The following ROBO1 variants were observed in gnomAD, a reference collection of about 807,000 sequenced individuals.
ROBO1 encodes the protein roundabout homolog 1.
In ROBO1, 149 loss-of-function variants were observed where a neutral mutation model predicts 195.9. The observed-to-expected ratio is 0.76, with a 90% CI of 0.67 to 0.87. The LOEUF (loss-of-function observed/expected upper bound fraction) is 0.87. Among genes scored for constraint, ROBO1 ranks in the 40% least tolerant of loss-of-function variants. The probability of loss-of-function intolerance (pLI) is 0.00; values close to 1 mark genes in which losing one functional copy is unlikely to be tolerated. For missense variants in ROBO1, 1,933 were observed against 2,068.3 expected (o/e 0.93, Z 1.27); for synonymous variants, 816 against 733.2 (o/e 1.11, Z -1.82).
chr3:79,704,229 C>A (rs562990827), intron 1 of ROBO1, among the ~76,000 whole-genome samples: 2 of 151,880 alleles, frequency 1.3e-5, no homozygotes, highest in African/African-American at 2.4e-5. Context: ...AATTAGAGTT[C>A]ACTCTTGGTG....
chr3:79,106,160 G>A (rs1004561761), intron 3 of ROBO1, among the ~76,000 whole-genome samples: 1 of 151,600 alleles, frequency 6.6e-6, no homozygotes, highest in Non-Finnish European at 1.5e-5. Context: ...CAAGCAAATT[G>A]TCTGCTTTAA....
Position 78,670,157 on chromosome 3 carries a change from G to C in ROBO1, c.1487C>G (p.Ser496Ter). ...CTGTTTGATTCGAGAGTCTTGGGTT[G>C]AAACGAGGACTCCATCCTTTCTCCA... Reference protein sequence around the residue: ...ILWRKDGVLVSTQDSRIKQLE... With the variant: ...ILWRKDGVLV Residue 496 changes from serine to a stop codon, truncating the protein, a stop_gained, in exon 11 of 31, where the codon TCA becomes TGA. Coordinates refer to ENST00000464233, the MANE Select transcript of ROBO1 (RefSeq NM_002941.4). LOFTEE classifies it high-confidence loss of function. 1 of 1,613,352 alleles carries C rather than the reference G, an allele frequency of 6.2e-7. No individual in the cohort carries two copies. Among genetic ancestry groups the C allele is most frequent in the Non-Finnish European group, 8.5e-7 (1 of 1,179,642 alleles).
intron 1 of ROBO1, among the ~76,000 whole-genome samples, chr3:79,654,789 G>T (rs547937203): frequency 2.4e-4 from 37 of 151,500 alleles, no homozygotes; most frequent in Middle Eastern, 3.2e-3. Context: ...TTATCATTTT[G>T]ATTTAAATCC....
intron 1 of ROBO1, among the ~76,000 whole-genome samples, chr3:79,595,852 C>T (rs943410542): frequency 1.3e-5 from 2 of 151,748 alleles, no homozygotes; most frequent in Non-Finnish European, 2.9e-5. Flanking sequence ...TGGACTTGGC[C>T]TCTGTCCTAG....
intron 1 of ROBO1, among the ~76,000 whole-genome samples, chr3:79,604,537 G>C (rs1017382812): frequency 3.3e-5 from 5 of 151,932 alleles, no homozygotes; most frequent in Non-Finnish European, 5.9e-5. Flanking sequence ...AATTTTTGTT[G>C]CAAAGTAAAT....
chr3:78,799,906 T>A (rs2084311498), intron 4 of ROBO1, among the ~76,000 whole-genome samples: 1 of 152,154 alleles, frequency 6.6e-6, no homozygotes, highest in Admixed American at 6.5e-5. Flanking sequence ...GATTCACCCT[T>A]ATCATATTAT....
At chr3:78,707,263 A>C (rs1361349416) in intron 8 of ROBO1, among the ~76,000 whole-genome samples, 1 of 152,124 alleles carries the variant, frequency 6.6e-6, no homozygotes, top group Non-Finnish European at 1.5e-5. Flanking sequence ...AGTCAGGCAA[A>C]AGACAGCACG....
intron 2 of ROBO1, among the ~76,000 whole-genome samples, chr3:79,301,917 A>G (rs184531970): frequency 6.6e-6 from 1 of 152,304 alleles, no homozygotes; most frequent in Admixed American, 6.5e-5. Flanking sequence ...ATAGTGTTGT[A>G]AAATAGATAC....
At chr3:78,960,378 G>T (rs900086978) in intron 3 of ROBO1, among the ~76,000 whole-genome samples, 6 of 148,964 alleles carry the variant, frequency 4.0e-5, no homozygotes, top group African/African-American at 1.5e-4. Flanking sequence ...ATATTATATA[G>T]CAATATGTAT....
intron 2 of ROBO1, among the ~76,000 whole-genome samples, chr3:79,406,311 C>T (rs944942553): frequency 6.6e-6 from 1 of 151,672 alleles, no homozygotes; most frequent in Non-Finnish European, 1.5e-5. Context: ...GTCCGTAGTC[C>T]CATAGTCCCA....
chr3:79,031,744 T>A (rs763606608), intron 3 of ROBO1, among the ~76,000 whole-genome samples: 1 of 152,206 alleles, frequency 6.6e-6, no homozygotes, highest in Non-Finnish European at 1.5e-5. Context: ...TGTGATTTCA[T>A]CGTGAAAAAG....
At chr3:79,711,363 T>C (rs1310551869) in intron 1 of ROBO1, among the ~76,000 whole-genome samples, 3 of 152,162 alleles carry the variant, frequency 2.0e-5, no homozygotes, top group Admixed American at 1.3e-4. Flanking sequence ...AGAAAATCAC[T>C]GAAGATGTTA....
intron 3 of ROBO1, among the ~76,000 whole-genome samples, chr3:79,059,117 T>C (rs112873517): frequency 0.11 from 17,340 of 152,178 alleles, 1,535 homozygotes; most frequent in African/African-American, 0.24. Flanking sequence ...TGCAGTGTGA[T>C]TGGAATACTT....
chr3:79,381,425 A>C (rs1176627699), intron 2 of ROBO1, among the ~76,000 whole-genome samples: 1 of 150,374 alleles, frequency 6.7e-6, no homozygotes, highest in Non-Finnish European at 1.5e-5. Flanking sequence ...ATAAGCCATA[A>C]GTTTTAGTAT....
intron 2 of ROBO1, among the ~76,000 whole-genome samples, chr3:79,355,007 G>C (rs1416131822): frequency 6.6e-6 from 1 of 151,792 alleles, no homozygotes; most frequent in East Asian, 1.9e-4. Context: ...GTCTACTAAG[G>C]ATACAAAAAT....
chr3:79,089,038 TAA>T (rs2079427838), intron 3 of ROBO1, among the ~76,000 whole-genome samples: 1 of 152,094 alleles, frequency 6.6e-6, no homozygotes, highest in African/African-American at 2.4e-5. Flanking sequence ...TCGCTTTTAG[TAA>T]AGTCATTTTT....
In ROBO1 at chr3:79,156,689, C is replaced by T. The variant is rs146309980; in HGVS notation, c.89-31150G>A. 1.6e-3 allele frequency among the ~76,000 whole-genome samples: 248 copies of T among 151,810 alleles called. 1 individual carries two copies. The highest frequency in any genetic ancestry group is 5.8e-3 in the African/African-American group (240 of 41,454). ...TCCAATGATGAAATGATTTAAAACA[C>T]GCACAAAAAATCTAAATAAATATGC... On this transcript the variant is annotated intron_variant, in intron 2 of 30. Coordinates refer to ENST00000464233, the MANE Select transcript of ROBO1 (RefSeq NM_002941.4).
intron 1 of ROBO1, among the ~76,000 whole-genome samples, chr3:79,639,234 G>A (rs1262999157): frequency 2.6e-5 from 4 of 152,040 alleles, no homozygotes; most frequent in Non-Finnish European, 5.9e-5. Flanking sequence ...AGATATCACA[G>A]CTAAATTTGA....
intron 4 of ROBO1, among the ~76,000 whole-genome samples, chr3:78,753,514 A>C (rs1246524157): frequency 6.6e-6 from 1 of 152,136 alleles, no homozygotes; most frequent in Non-Finnish European, 1.5e-5. Context: ...ATCAGTAAGG[A>C]TCAATTTTTT....
Sources: gnomAD v4.1 joint callset for allele counts (sites outside exome capture counted in the v4.1 genomes callset) on GRCh38, gnomAD v4.1.1 for gene constraint, MANE v1.5 for transcripts, NCBI Gene and HGNC (gene_info 2026-07-23, HGNC 2026-07-21) for gene names.